The following LDB2 variants were observed in gnomAD, a reference collection of about 807,000 sequenced individuals.
The protein encoded by LDB2 is LIM domain binding 2, also known as LIM domain-binding protein 2.
In LDB2, 12 loss-of-function variants were observed where a neutral mutation model predicts 44.3. The ratio of observed to expected loss-of-function variants is 0.27; its 90% CI spans 0.17 to 0.44. LDB2 has a LOEUF of 0.44. Among genes scored for constraint, LDB2 ranks in the 20% least tolerant of loss-of-function variants. The probability of loss-of-function intolerance (pLI) is 1.00; values close to 1 mark genes in which losing one functional copy is unlikely to be tolerated. For missense variants in LDB2, 344 were observed against 473.5 expected (o/e 0.73, Z 2.54); for synonymous variants, 164 against 174.8 (o/e 0.94, Z 0.49).
intron 2 of LDB2, among the ~76,000 whole-genome samples, chr4:16,648,288 G>A (rs748363423): frequency 1.3e-5 from 2 of 152,108 alleles, no homozygotes; most frequent in African/African-American, 2.4e-5. Context: ...TTTGCACTCC[G>A]TCATCATAAA....
intron 2 of LDB2, among the ~76,000 whole-genome samples, chr4:16,616,122 G>A (rs1002078497): frequency 6.6e-6 from 1 of 152,094 alleles, no homozygotes; most frequent in African/African-American, 2.4e-5. Flanking sequence ...ACTAGTTACT[G>A]TATCAACCAT....
chr4:16,602,588 A>G lies in LDB2; in HGVS notation c.236-6713T>C, dbSNP rs145802660. ...GTCAAGACATTGAAAGATTTTAGCC[A>G]ATGATATAATTTACTCTGTTTTTCC... On this transcript the variant is annotated intron_variant, in intron 2 of 7. Coordinates refer to ENST00000304523, the MANE Select transcript of LDB2 (RefSeq NM_001290.5). 2.0e-5 allele frequency among the ~76,000 whole-genome samples: 3 copies of G among 152,270 alleles called. No homozygotes were observed. In the East Asian group the frequency reaches 5.8e-4, roughly 29 times the overall value.
intron 5 of LDB2, 106 bp downstream of exon 5, chr4:16,585,816 G>A: frequency 2.7e-6 from 2 of 754,418 alleles, no homozygotes; most frequent in Non-Finnish European, 4.7e-6. Context: ...CATAGACACT[G>A]CTATATCACC....
At chr4:16,704,919 T>C (rs6816123) in intron 2 of LDB2, among the ~76,000 whole-genome samples, 15,343 of 152,180 alleles carry the variant, frequency 0.1, 988 homozygotes, top group Admixed American at 0.17. Context: ...AGGTCCTGTC[T>C]GCTTCCTCTA....
intron 7 of LDB2, chr4:16,505,921 G>C: frequency 1.3e-6 from 2 of 1,551,652 alleles, no homozygotes; most frequent in Non-Finnish European, 1.7e-6. Flanking sequence ...CACTGCTGTT[G>C]AATGACACAG....
At chr4:16,734,639 T>C (rs145466141) in intron 2 of LDB2, among the ~76,000 whole-genome samples, 278 of 151,496 alleles carry the variant, frequency 1.8e-3, no homozygotes, top group Non-Finnish European at 2.9e-3. Context: ...CGAGGCCCTG[T>C]CTTGCCCATG....
At chr4:16,596,755 C>G (rs1343727304) in intron 2 of LDB2, among the ~76,000 whole-genome samples, 2 of 152,140 alleles carry the variant, frequency 1.3e-5, no homozygotes, top group Non-Finnish European at 2.9e-5. Flanking sequence ...CTGGTCCTGT[C>G]CCATTTTAGT....
intron 1 of LDB2, among the ~76,000 whole-genome samples, chr4:16,875,305 C>A (rs907876359): frequency 1.6e-4 from 25 of 152,060 alleles, no homozygotes; most frequent in African/African-American, 5.8e-4. Context: ...CATTTGATGT[C>A]TTAAGCTATA....
intron 2 of LDB2, among the ~76,000 whole-genome samples, chr4:16,690,022 G>A (rs961317616): frequency 2.0e-5 from 3 of 152,186 alleles, no homozygotes; most frequent in Non-Finnish European, 4.4e-5. Flanking sequence ...CAAATTGGGT[G>A]ATACCTATGT....
chr4:16,797,486 T>G (rs915481772), intron 1 of LDB2, among the ~76,000 whole-genome samples: 7 of 151,852 alleles, frequency 4.6e-5, no homozygotes, highest in African/African-American at 1.7e-4. Flanking sequence ...AAAGTCTACT[T>G]AAAAAAAATA....
intron 1 of LDB2, among the ~76,000 whole-genome samples, chr4:16,810,941 A>T (rs967831195): frequency 2.0e-4 from 31 of 152,100 alleles, no homozygotes; most frequent in Non-Finnish European, 3.8e-4. Context: ...GTGGAAGACA[A>T]TTTTTCCACA....
intron 1 of LDB2, among the ~76,000 whole-genome samples, chr4:16,825,412 C>T (rs1366463783): frequency 2.0e-5 from 3 of 152,136 alleles, no homozygotes; most frequent in African/African-American, 4.8e-5. Context: ...TGCATTGAAT[C>T]CCCAAGGCAA....
chr4:16,863,620 C>A (rs2110282976), intron 1 of LDB2, among the ~76,000 whole-genome samples: 1 of 150,384 alleles, frequency 6.6e-6, no homozygotes, highest in Admixed American at 6.6e-5. Flanking sequence ...ACTTCCAGGC[C>A]TGACTCTAAG....
At chr4:16,716,446 G>T (rs1194893309) in intron 2 of LDB2, among the ~76,000 whole-genome samples, 1 of 152,188 alleles carries the variant, frequency 6.6e-6, no homozygotes, top group African/African-American at 2.4e-5. Context: ...GGCTCTGAAA[G>T]CCAGGCTCTG....
intron 1 of LDB2, among the ~76,000 whole-genome samples, chr4:16,820,874 ATAATGT>A (rs1297537875): frequency 1.3e-5 from 2 of 152,212 alleles, no homozygotes; most frequent in African/African-American, 4.8e-5. Context: ...GATCAGAATG[ATAATGT>A]TTAATGGTAT....
At chr4:16,598,200 G>T (rs1195605033) in intron 2 of LDB2, among the ~76,000 whole-genome samples, 1 of 152,180 alleles carries the variant, frequency 6.6e-6, no homozygotes, top group African/African-American at 2.4e-5. Flanking sequence ...ACTGAATGTG[G>T]CATGACTATC....
intron 2 of LDB2, among the ~76,000 whole-genome samples, chr4:16,647,732 A>C: frequency 6.6e-6 from 1 of 151,684 alleles, no homozygotes; most frequent in South Asian, 2.1e-4. Flanking sequence ...ATTCCCACTG[A>C]CTCCATGTCT....
At chr4:16,737,204 T>C (rs954357215) in intron 2 of LDB2, among the ~76,000 whole-genome samples, 2 of 152,106 alleles carry the variant, frequency 1.3e-5, no homozygotes, top group African/African-American at 2.4e-5. Flanking sequence ...ACCTATATTT[T>C]ATTTATTTTT....
At chr4:16,872,216 A>C (rs1233393970) in intron 1 of LDB2, among the ~76,000 whole-genome samples, 2 of 152,016 alleles carry the variant, frequency 1.3e-5, no homozygotes, top group African/African-American at 4.8e-5. Context: ...GTCTCTACTC[A>C]GGGACATCTT....
Sources: gnomAD v4.1 joint callset for allele counts (sites outside exome capture counted in the v4.1 genomes callset) on GRCh38, gnomAD v4.1.1 for gene constraint, MANE v1.5 for transcripts, NCBI Gene and HGNC (gene_info 2026-07-23, HGNC 2026-07-21) for gene names.